The following HBS1L variants were observed in gnomAD, a reference collection of about 807,000 sequenced individuals.
HBS1L encodes HBS1 like translational GTPase, also known as HBS1-like protein.
In HBS1L, 55 loss-of-function variants were observed where a neutral mutation model predicts 88.9. That is an observed-to-expected ratio of 0.62 (90% CI 0.50 to 0.77). The LOEUF is 0.77. Among genes scored for constraint, HBS1L ranks in the 30% least tolerant of loss-of-function variants. HBS1L has a pLI of 0.00. For missense variants in HBS1L, 741 were observed against 829.3 expected (o/e 0.89, Z 1.31); for synonymous variants, 267 against 288.5 (o/e 0.93, Z 0.76).
intron 4 of HBS1L, among the ~76,000 whole-genome samples, chr6:135,038,320 T>A (rs1246676758): frequency 6.6e-6 from 1 of 152,156 alleles, no homozygotes; most frequent in Non-Finnish European, 1.5e-5. Context: ...TGTGAGGTCT[T>A]AACCATAATT....
At chr6:135,043,847 A>G (rs1489789478) in intron 2 of HBS1L, among the ~76,000 whole-genome samples, 2 of 152,350 alleles carry the variant, frequency 1.3e-5, no homozygotes, top group Middle Eastern at 3.4e-3. Context: ...GCTCATGTCA[A>G]TGGGCTATGA....
At chr6:135,012,087 C>T (rs184277918) in intron 4 of HBS1L, among the ~76,000 whole-genome samples, 2 of 152,022 alleles carry the variant, frequency 1.3e-5, no homozygotes, top group Admixed American at 6.5e-5. Flanking sequence ...CCTATAGAAA[C>T]ATTAACACTA....
rs1307280083 is a variant in HBS1L, at chr6:134,963,659, C to T, written c.*1620G>A. The T allele has an allele frequency of 6.6e-6, 1 of 152,278 alleles. No individual in the cohort carries two copies. Among genetic ancestry groups the T allele is most frequent in the Non-Finnish European group, 1.5e-5 (1 of 68,124 alleles). The allele number at this position is 152,278 out of a possible 1,614,324, so 9.4% of individuals were successfully genotyped here. A position where few individuals can be genotyped will look rare whatever the true frequency, so the allele number is the denominator to read the frequency against. On this transcript the variant is annotated 3_prime_UTR_variant, in exon 18 of 18. Coordinates refer to ENST00000367837, the MANE Select transcript of HBS1L (RefSeq NM_006620.4). ...CTGGTCTCAAACTCCTGGGCTCACG[C>T]TATCCTCCCGACTCAGCCTCCCAAA...
intron 4 of HBS1L, chr6:135,036,573 T>C (rs142835810): frequency 4.0e-6 from 6 of 1,493,046 alleles, no homozygotes; most frequent in Non-Finnish European, 4.4e-6. Flanking sequence ...CTCTAGTAAA[T>C]GCTTTTTTTT....
At chr6:134,994,933 C>A (rs1170084218) in intron 7 of HBS1L, among the ~76,000 whole-genome samples, 3 of 152,016 alleles carry the variant, frequency 2.0e-5, no homozygotes, top group African/African-American at 4.8e-5. Flanking sequence ...CCTTTTACTA[C>A]CAAAAGAGTA....
intron 5 of HBS1L, chr6:135,002,492 T>C (rs906301902): frequency 1.8e-5 from 5 of 273,030 alleles, no homozygotes; most frequent in Non-Finnish European, 1.4e-5. Flanking sequence ...AAAGTAGCTA[T>C]AAAATATTTA....
At chr6:135,025,297 CAT>C (rs1406044732) in intron 4 of HBS1L, among the ~76,000 whole-genome samples, 1 of 152,160 alleles carries the variant, frequency 6.6e-6, no homozygotes, top group Non-Finnish European at 1.5e-5. Context: ...ACATGAGAAA[CAT>C]AGGACTCCAG....
intron 7 of HBS1L, among the ~76,000 whole-genome samples, chr6:134,994,293 T>G (rs941119318): frequency 6.6e-6 from 1 of 152,046 alleles, no homozygotes; most frequent in Non-Finnish European, 1.5e-5. Flanking sequence ...ATTATAGAAA[T>G]GAGCTTATAA....
intron 4 of HBS1L, among the ~76,000 whole-genome samples, chr6:135,022,114 T>C (rs1279290236): frequency 6.6e-6 from 1 of 152,090 alleles, no homozygotes; most frequent in African/African-American, 2.4e-5. Flanking sequence ...TTTTTCTAAT[T>C]TAAAAAAAGG....
At chr6:135,025,933 T>C (rs1157595190) in intron 4 of HBS1L, among the ~76,000 whole-genome samples, 2 of 149,748 alleles carry the variant, frequency 1.3e-5, no homozygotes, top group Admixed American at 1.3e-4. Context: ...AGAGGGAGAG[T>C]GGGAAACTCT....
chr6:135,043,051 G>A (rs1310222173), intron 2 of HBS1L, among the ~76,000 whole-genome samples: 1 of 152,052 alleles, frequency 6.6e-6, no homozygotes, highest in Admixed American at 6.6e-5. Flanking sequence ...ATATAACTGG[G>A]TATTCATATG....
chr6:134,987,611 A>G (rs76129673), intron 9 of HBS1L, 34 bp downstream of exon 9: 2 of 1,534,696 alleles, frequency 1.3e-6, no homozygotes, highest in East Asian at 4.8e-5. Flanking sequence ...CTTAATTAGC[A>G]TCTTAAACAA....
chr6:135,050,720 T>C (rs777537769), intron 1 of HBS1L, 73 bp from the exon 2 acceptor site: 7 of 865,504 alleles, frequency 8.1e-6, no homozygotes, highest in Non-Finnish European at 1.3e-5. Flanking sequence ...TGAGGAAGCA[T>C]CTGAATCCTC....
chr6:134,973,279 T>C (rs2114753781), intron 15 of HBS1L, among the ~76,000 whole-genome samples: 1 of 152,280 alleles, frequency 6.6e-6, no homozygotes. Flanking sequence ...GGGATGAAAT[T>C]CTGATGCATA....
At chr6:135,029,402 C>T (rs952833562) in intron 4 of HBS1L, among the ~76,000 whole-genome samples, 9 of 151,702 alleles carry the variant, frequency 5.9e-5, no homozygotes, top group Admixed American at 5.9e-4. Flanking sequence ...CAGACACATA[C>T]ACCTTAAAAA....
chr6:135,009,258 C>T (rs1204350404), intron 4 of HBS1L, among the ~76,000 whole-genome samples: 2 of 152,122 alleles, frequency 1.3e-5, no homozygotes, highest in Non-Finnish European at 1.5e-5. Flanking sequence ...ATATGAATTA[C>T]ATGGTGCTAT....
intron 8 of HBS1L, 140 bp downstream of exon 8, chr6:134,993,618 T>A (rs919732431): frequency 1.1e-4 from 46 of 422,544 alleles, no homozygotes; most frequent in Admixed American, 4.3e-4. Flanking sequence ...ATATTGCTCT[T>A]TTTGTTCAAG....
chr6:135,049,696 T>C (rs1334395354), intron 2 of HBS1L, among the ~76,000 whole-genome samples: 1 of 152,138 alleles, frequency 6.6e-6, no homozygotes, highest in Non-Finnish European at 1.5e-5. Flanking sequence ...CTCAGCCTCC[T>C]GAGTAGCTGG....
intron 3 of HBS1L, among the ~76,000 whole-genome samples, chr6:135,041,005 CACT>C (rs1776717999): frequency 6.6e-6 from 1 of 152,006 alleles, no homozygotes; most frequent in African/African-American, 2.4e-5. Flanking sequence ...AAAATCATGG[CACT>C]ACTAAGTTAG....
Sources: gnomAD v4.1 joint callset for allele counts (sites outside exome capture counted in the v4.1 genomes callset) on GRCh38, gnomAD v4.1.1 for gene constraint, MANE v1.5 for transcripts, NCBI Gene and HGNC (gene_info 2026-07-23, HGNC 2026-07-21) for gene names.